The following PRDM6 variants were observed in gnomAD, a reference collection of about 807,000 sequenced individuals.
The protein encoded by PRDM6 is PR/SET domain 6.
Under a neutral mutation model 60.8 loss-of-function variants are expected in PRDM6, and 25 were observed. The ratio of observed to expected loss-of-function variants is 0.41; its 90% CI spans 0.30 to 0.57. PRDM6 has a LOEUF of 0.57. Among genes scored for constraint, PRDM6 ranks in the 20% least tolerant of loss-of-function variants. The pLI, the probability that PRDM6 is intolerant of heterozygous loss-of-function variation, is 0.27. For missense variants in PRDM6, 839 were observed against 821.3 expected (o/e 1.02, Z -0.26); for synonymous variants, 407 against 357.4 (o/e 1.14, Z -1.57).
At chr5:123,160,955 G>A (rs970218465) in intron 5 of PRDM6, among the ~76,000 whole-genome samples, 7 of 152,292 alleles carry the variant, frequency 4.6e-5, no homozygotes, top group African/African-American at 1.7e-4. Flanking sequence ...GCCTCAAACA[G>A]AATGACTCCA....
At chr5:123,094,341 G>C (rs527703822) in intron 2 of PRDM6, among the ~76,000 whole-genome samples, 17 of 152,164 alleles carry the variant, frequency 1.1e-4, no homozygotes, top group African/African-American at 4.1e-4. Flanking sequence ...TCTGCCCTGC[G>C]CCTCCTCTGT....
rs1764045465 is a variant in PRDM6, at chr5:123,099,444, C to A, written c.593-210C>A. On this transcript the variant is annotated intron_variant, in intron 2 of 7. Transcript: ENST00000407847. The surrounding 1 kb of genome is among the most constrained non-coding windows in gnomAD (Gnocchi z 4.0). ...AGTCCTGGCCCGGTACCAGGCAGAT[C>A]TGGGTGCGGCGAATTCCAAGGGAGC... 6.6e-6 allele frequency among the ~76,000 whole-genome samples: 1 copy of A among 152,172 alleles called. No individual in the cohort carries two copies.
At chr5:123,104,061 AG>A in intron 3 of PRDM6, among the ~76,000 whole-genome samples, 2 of 152,214 alleles carry the variant, frequency 1.3e-5, no homozygotes, top group Middle Eastern at 6.8e-3. Context: ...CAGAAAATCA[AG>A]GGGGATAACA....
intron 3 of PRDM6, among the ~76,000 whole-genome samples, chr5:123,109,848 AG>A (rs1247478263): frequency 2.0e-5 from 3 of 152,232 alleles, no homozygotes. Flanking sequence ...AAAAATCATA[AG>A]GAAGCCCTAA....
Position 123,090,575 on chromosome 5 carries a change from G to C in PRDM6, c.561G>C (p.Pro187=). The C allele has an allele frequency of 6.6e-7, 1 of 1,525,300 alleles. No individual in the cohort carries two copies. Among genetic ancestry groups the C allele is most frequent in the Non-Finnish European group, 8.7e-7 (1 of 1,143,494 alleles). The allele number at this position is 1,525,300 out of a possible 1,614,324, so 94.5% of individuals were successfully genotyped here. A position where few individuals can be genotyped will look rare whatever the true frequency, so the allele number is the denominator to read the frequency against. Residue 187 remains proline (P), a synonymous_variant, in exon 2 of 8, where the codon CCG becomes CCC. Coordinates refer to ENST00000407847, the MANE Select transcript of PRDM6 (RefSeq NM_001136239.4). ...GCCAGCAGCGCATGGAGATCATCCCGCTCAACCAGCACACCAGCGACCCCA... is the reference window on the plus strand; with the variant it reads ...GCCAGCAGCGCATGGAGATCATCCCCCTCAACCAGCACACCAGCGACCCCA... ...LYGQQRMEII[P]LNQHTSDPNN...
At chr5:123,104,022 A>G (rs72800828) in intron 3 of PRDM6, among the ~76,000 whole-genome samples, 4,086 of 152,122 alleles carry the variant, frequency 0.027, 72 homozygotes, top group Non-Finnish European at 0.036. Context: ...TTTCATTTGC[A>G]CTATGTGGAA....
chr5:123,112,698 A>G (rs1764339643), intron 3 of PRDM6, among the ~76,000 whole-genome samples: 1 of 148,074 alleles, frequency 6.8e-6, no homozygotes. Flanking sequence ...ATCTCCCCTA[A>G]TCTTTATCCT....
chr5:123,091,347 C>G (rs1308338158), intron 2 of PRDM6, among the ~76,000 whole-genome samples: 1 of 152,228 alleles, frequency 6.6e-6, no homozygotes, highest in Non-Finnish European at 1.5e-5. Context: ...CGCAAACATT[C>G]ATAACCCATG....
In PRDM6 at chr5:123,170,883, C is replaced by T. The variant is rs1360944352; in HGVS notation, c.1271C>T (p.Thr424Ile). The T allele has an allele frequency of 2.6e-6, 4 of 1,552,152 alleles. No individual in the cohort carries two copies. The African/African-American group carries it at 5.5e-5, about 21-fold the overall frequency. ...CAGCGCTCCGTTGTTTTCCCCCAGA[C>T]TCCGTGCAGCAGGAACTTCTCTCTT... ...TQQRSVVFPQ[T>I]PCSRNFSLLD... Residue 424 changes from threonine (T) to isoleucine (I), a missense_variant, in exon 6 of 8, where the codon ACT (threonine) becomes ATT (isoleucine). This residue lies in a region of PRDM6 where 730 missense variants were observed against 648.8 expected (regional missense o/e 1.13). Transcript: ENST00000407847.
rs1391793017 is a variant in PRDM6 at position 123,170,952 on chromosome 5, A to G, written c.1340A>G (p.Asn447Ser). Residue 447 changes from asparagine to serine, a missense_variant, in exon 6 of 8, where the codon AAC becomes AGC. By Grantham distance (46) the Asn-to-Ser change is conservative. Around this residue, in one of 2 missense-constraint regions of PRDM6, gnomAD observed 730 missense variants for 648.8 expected, o/e 1.13. Coordinates refer to ENST00000407847, the MANE Select transcript of PRDM6 (RefSeq NM_001136239.4). The stretch of plus-strand genomic sequence containing the variant: ...ATTGAATCAGGATTTAATCAAATCA[A>G]CGTGAAAAACCAGCGAGTCCTGGCA... ...GPIESGFNQI[N>S]VKNQRVLASP... 3.9e-6 allele frequency: 6 copies of G among 1,551,926 alleles called. No homozygotes were observed. The highest frequency in any genetic ancestry group is 2.4e-5 in the East Asian group (1 of 40,928).
Position 123,190,773 on chromosome 5 carries a change from A to C in PRDM6, c.*3572A>C, listed in dbSNP as rs1766416176. On this transcript the variant is annotated 3_prime_UTR_variant, in exon 8 of 8. Coordinates refer to ENST00000407847, the MANE Select transcript of PRDM6 (RefSeq NM_001136239.4). Reference sequence around the variant, plus strand: ...CAAGTATTTATTGAACTCTTATTTTATATAAAGACCCCATTTTATGTGTTC... The same window carrying C: ...CAAGTATTTATTGAACTCTTATTTTCTATAAAGACCCCATTTTATGTGTTC... 6.6e-6 allele frequency: 1 copy of C among 152,210 alleles called. No homozygotes were observed. The allele number at this position is 152,210 out of a possible 1,614,324, so 9.4% of individuals were successfully genotyped here.
chr5:123,142,545 C>T (rs988647382), intron 3 of PRDM6, among the ~76,000 whole-genome samples: 1 of 152,062 alleles, frequency 6.6e-6, no homozygotes, highest in African/African-American at 2.4e-5. Context: ...TATATGTTTT[C>T]TTTTTAAAAA....
chr5:123,157,978 A>G (rs1765543602), intron 4 of PRDM6, among the ~76,000 whole-genome samples: 1 of 152,258 alleles, frequency 6.6e-6, no homozygotes, highest in African/African-American at 2.4e-5. Context: ...TGAAAAGGGA[A>G]AAATCCCTTT....
chr5:123,150,765 C>A lies in PRDM6; in HGVS notation c.901-5119C>A, dbSNP rs1392275867. ...TGGTCTTCCCTGGATACTCCATGAG[C>A]TGTGAAAGGATTGTAAACAGCGCTG... is the stretch of plus-strand genomic sequence containing the variant. On this transcript the variant is annotated intron_variant, in intron 3 of 7. Transcript: ENST00000407847. 1.4e-4 allele frequency among the ~76,000 whole-genome samples: 21 copies of A among 152,180 alleles called. 1 individual carries two copies. The highest frequency in any genetic ancestry group is 1.4e-3 in the Admixed American group (21 of 15,282).
chr5:123,132,703 C>G (rs1046997836), intron 3 of PRDM6, among the ~76,000 whole-genome samples: 5 of 149,922 alleles, frequency 3.3e-5, no homozygotes, highest in African/African-American at 1.2e-4. Flanking sequence ...GTTGTGCACA[C>G]ATATGTGTAT....
At chr5:123,100,989 CTTAA>C (rs1764090376) in intron 3 of PRDM6, among the ~76,000 whole-genome samples, 1 of 152,184 alleles carries the variant, frequency 6.6e-6, no homozygotes, top group Admixed American at 6.5e-5. Flanking sequence ...AATAAAGTTT[CTTAA>C]ATGCCAGGGG....
intron 6 of PRDM6, among the ~76,000 whole-genome samples, chr5:123,177,631 G>A (rs951981973): frequency 6.6e-6 from 1 of 152,152 alleles, no homozygotes; most frequent in Non-Finnish European, 1.5e-5. Flanking sequence ...CACAACCATA[G>A]AAAGCTCCAT....
intron 5 of PRDM6, among the ~76,000 whole-genome samples, chr5:123,168,115 C>T (rs941034344): frequency 2.0e-5 from 3 of 152,116 alleles, no homozygotes; most frequent in East Asian, 1.9e-4. Flanking sequence ...ATCTGTGTGC[C>T]ATAATATATT....
intron 2 of PRDM6, among the ~76,000 whole-genome samples, chr5:123,093,438 C>G (rs1042305583): frequency 6.6e-6 from 1 of 152,186 alleles, no homozygotes; most frequent in Admixed American, 6.5e-5. Flanking sequence ...TTGTAGCTCT[C>G]TTTCGTTCTA....
Sources: gnomAD v4.1 joint callset for allele counts (sites outside exome capture counted in the v4.1 genomes callset) on GRCh38, gnomAD v4.1.1 for gene constraint, gnomAD v4.1.1 regional missense constraint, Gnocchi (gnomAD v3.1) non-coding constraint, MANE v1.5 for transcripts, NCBI Gene and HGNC (gene_info 2026-07-23, HGNC 2026-07-21) for gene names.